GK2: variants seen among roughly 807,000 people sequenced by gnomAD.
GK2 encodes the protein glycerol kinase 2, also known as ATP:glycerol 3-phosphotransferase 2.
Under a neutral mutation model 9.5 loss-of-function variants are expected in GK2, and 10 were observed. The observed-to-expected ratio is 1.05, with a 90% confidence interval of 0.65 to 1.78. The LOEUF is 1.78. GK2 is among the 40% of genes most tolerant of loss of function. The probability of loss-of-function intolerance (pLI) is 0.00; values close to 1 mark genes in which losing one functional copy is unlikely to be tolerated. For synonymous variants in GK2, 228 were observed against 229.9 expected (o/e 0.99, Z 0.07); for missense variants, 643 against 669.0 (o/e 0.96, Z 0.43).
chr4:79,407,115 T>G lies in GK2; in HGVS notation c.1086A>C (p.Pro362=). 1.9e-6 allele frequency: 3 copies of G among 1,614,164 alleles called. No homozygotes were observed. The highest frequency in any genetic ancestry group is 1.1e-5 in the South Asian group (1 of 91,086). The part of the protein sequence containing the change: ...VGTSYGCYFV[P]AFSGLYAPYW... ...AAGGTGCATATAACCCTGAAAAGGC[T>G]GGGACAAAGTAACAGCCATAAGAAG... is the stretch of plus-strand genomic sequence containing the variant. The change falls in exon 1 of 1, where the codon CCA becomes CCC. Residue 362 remains proline (P), a synonymous_variant. Coordinates refer to ENST00000358842, the MANE Select transcript of GK2 (RefSeq NM_033214.3).
In GK2 at chr4:79,406,763, A is replaced by G; in HGVS notation, c.1438T>C (p.Ser480Pro). 1 of 1,614,196 alleles carries G rather than the reference A, an allele frequency of 6.2e-7. No homozygotes were observed. The highest frequency in any genetic ancestry group is 8.5e-7 in the Non-Finnish European group (1 of 1,180,026). ...TCAAATCGTTCCATCCTGAGAACTGACAAAGCCTGGGGTTCAAGGCTCCAA... is the reference window on the plus strand; with the variant it reads ...TCAAATCGTTCCATCCTGAGAACTGGCAAAGCCTGGGGTTCAAGGCTCCAA... ...SVWSLEPQAL[S>P]VLRMERFEPQ... Residue 480 changes from serine to proline, a missense_variant, in exon 1 of 1, where the codon TCA becomes CCA. By Grantham distance (74) the Ser-to-Pro change is moderately conservative. Coordinates refer to ENST00000358842, the MANE Select transcript of GK2 (RefSeq NM_033214.3).
chr4:79,406,656 G>C lies in GK2; in HGVS notation c.1545C>G (p.Thr515=). 6.2e-7 allele frequency: 1 copy of C among 1,613,882 alleles called. No individual in the cohort carries two copies. The highest frequency in any genetic ancestry group is 8.5e-7 in the Non-Finnish European group (1 of 1,179,788). ...KAVMKSMGWV[T]SQSPEGGDPS... is the part of the protein sequence containing the mutation. ...GATCACCACCTTCAGGAGACTGACT[G>C]GTAACCCAACCCATTGACTTCATTA... The change falls in exon 1 of 1, where the codon ACC becomes ACG. Residue 515 remains threonine, a synonymous_variant. Transcript: ENST00000358842.
rs1259646534 is a variant in GK2, at chr4:79,407,475, T to C, written c.726A>G (p.Leu242=). ...NVFSSSEIYG[L]IKTGALEGVP... is the part of the protein sequence containing the mutation. ...CACCTTCCAGGGCTCCAGTTTTAAT[T>C]AGGCCATAGATCTCAGAAGAACTGA... Residue 242 remains leucine, a synonymous_variant, in exon 1 of 1, where the codon CTA becomes CTG. Transcript: ENST00000358842. The C allele has an allele frequency of 6.2e-7, 1 of 1,614,020 alleles. No individual in the cohort carries two copies. Among genetic ancestry groups the C allele is most frequent in the Non-Finnish European group, 8.5e-7 (1 of 1,180,022 alleles).
chr4:79,407,999 T>TACTC lies in GK2; in HGVS notation c.201_202insGAGT (p.Ile68GlufsTer7), dbSNP rs1560527075. 4 of 1,614,034 alleles carry TACTC rather than the reference T, an allele frequency of 2.5e-6. 1 individual carries two copies. In the South Asian group the frequency reaches 4.4e-5, roughly 18 times the overall value. On this transcript the variant is annotated frameshift_variant, in exon 1 of 1. Coordinates refer to ENST00000358842, the MANE Select transcript of GK2 (RefSeq NM_033214.3). LOFTEE classifies it low-confidence loss of function (END_TRUNC). The stretch of plus-strand genomic sequence containing the variant: ...TCAAGTTTCTCACACGTTCTCGCTA[T>TACTC]ACACTCGTAGACAGACTGAAGAATT...
chr4:79,406,527 T>A lies in GK2; in HGVS notation c.*12A>T. The stretch of plus-strand genomic sequence containing the variant: ...AAAATGTTTACATCTTGGGACTCCA[T>A]AGCTGGTATTATTATGGCACACCCG... On this transcript the variant is annotated 3_prime_UTR_variant, in exon 1 of 1. Transcript: ENST00000358842. The A allele has an allele frequency of 1.3e-6, 2 of 1,489,912 alleles. No individual in the cohort carries two copies. Among genetic ancestry groups the A allele is most frequent in the Non-Finnish European group, 9.4e-7 (1 of 1,069,296 alleles). 92.3% of individuals were successfully genotyped at this position (1,489,912 alleles called of 1,614,324 possible).
Position 79,407,984 on chromosome 4 carries a change from C to T in GK2, c.217G>A (p.Glu73Lys). The change falls in exon 1 of 1, where the codon GAG becomes AAG. Residue 73 changes from glutamate to lysine, a missense_variant. By Grantham distance (56) the Glu-to-Lys change is moderately conservative. Coordinates refer to ENST00000358842, the MANE Select transcript of GK2 (RefSeq NM_033214.3). ...TCAATATTCAGTTCGTCAAGTTTCT[C>T]ACACGTTCTCGCTATACACTCGTAG... ...SVYECIARTCEKLDELNIDIS... is the reference protein window; with the variant it reads ...SVYECIARTCKKLDELNIDIS... 2 of 1,614,138 alleles carry T rather than the reference C, an allele frequency of 1.2e-6. No individual in the cohort carries two copies. Among genetic ancestry groups the T allele is most frequent in the Non-Finnish European group, 1.7e-6 (2 of 1,179,976 alleles).
At position 79,406,745 on chromosome 4, in the gene GK2, G is replaced by A. The variant is rs200091513; in HGVS notation, c.1456C>T (p.Arg486Ter). The change falls in exon 1 of 1, where the codon CGA (arginine) becomes TGA (stop). Residue 486 changes from arginine (R) to a stop codon, truncating the protein, a stop_gained. Coordinates refer to ENST00000358842, the MANE Select transcript of GK2 (RefSeq NM_033214.3). LOFTEE classifies it low-confidence loss of function (END_TRUNC). ...GTGGCCTGGATCTGTGGTTCAAATC[G>A]TTCCATCCTGAGAACTGACAAAGCC... The part of the protein sequence containing the change: ...PQALSVLRME[R>*]FEPQIQATES... 96 of 1,614,134 alleles carry A rather than the reference G, an allele frequency of 5.9e-5. No homozygotes were observed. The highest frequency in any genetic ancestry group is 3.3e-4 in the Middle Eastern group (2 of 6,062).
At position 79,406,412 on chromosome 4, in the gene GK2, G is replaced by T. The variant is rs2110045862; in HGVS notation, c.*127C>A. The T allele has an allele frequency of 3.3e-6, 2 of 613,484 alleles. No individual in the cohort carries two copies. The highest frequency in any genetic ancestry group is 2.8e-5 in the East Asian group (1 of 35,862). The allele number at this position is 613,484 out of a possible 1,614,324, so 38.0% of individuals were successfully genotyped here. On this transcript the variant is annotated 3_prime_UTR_variant, in exon 1 of 1. Coordinates refer to ENST00000358842, the MANE Select transcript of GK2 (RefSeq NM_033214.3). ...GGTCACAAGTCTAGGGTTTTCATGG[G>T]TCATGTAGCAAGTGGTTTATAAACA...
In GK2 at chr4:79,408,207, A is replaced by T; in HGVS notation, c.-7T>A. 1 of 1,573,434 alleles carries T rather than the reference A, an allele frequency of 6.4e-7. No individual in the cohort carries two copies. The highest frequency in any genetic ancestry group is 8.6e-7 in the Non-Finnish European group (1 of 1,162,326). ...CTGTCTTTGGGGCTGCCATGACACCAGTAGGTCGGCTCAGCAGCTCTGGGA... is the reference window on the plus strand; with the variant it reads ...CTGTCTTTGGGGCTGCCATGACACCTGTAGGTCGGCTCAGCAGCTCTGGGA... On this transcript the variant is annotated 5_prime_UTR_variant, in exon 1 of 1. Coordinates refer to ENST00000358842, the MANE Select transcript of GK2 (RefSeq NM_033214.3).
Position 79,406,763 on chromosome 4 carries a change from A to T in GK2, c.1438T>A (p.Ser480Thr). ...SVWSLEPQALSVLRMERFEPQ... is the reference protein window; with the variant it reads ...SVWSLEPQALTVLRMERFEPQ... The stretch of plus-strand genomic sequence containing the variant: ...TCAAATCGTTCCATCCTGAGAACTG[A>T]CAAAGCCTGGGGTTCAAGGCTCCAA... The change falls in exon 1 of 1, where the codon TCA becomes ACA. Residue 480 changes from serine to threonine, a missense_variant. Coordinates refer to ENST00000358842, the MANE Select transcript of GK2 (RefSeq NM_033214.3). 2 of 1,614,196 alleles carry T rather than the reference A, an allele frequency of 1.2e-6. No individual in the cohort carries two copies. Among genetic ancestry groups the T allele is most frequent in the Non-Finnish European group, 1.7e-6 (2 of 1,180,026 alleles).
Position 79,407,004 on chromosome 4 carries a change from A to G in GK2, c.1197T>C (p.Ala399=). Residue 399 remains alanine (A), a synonymous_variant, in exon 1 of 1, where the codon GCT becomes GCC. Coordinates refer to ENST00000358842, the MANE Select transcript of GK2 (RefSeq NM_033214.3). ...AAATCTCTCGGGTTTGGAAACAAACAGCTTCTAATGCAGCAAAAGCAATAT... is the reference window on the plus strand; with the variant it reads ...AAATCTCTCGGGTTTGGAAACAAACGGCTTCTAATGCAGCAAAAGCAATAT... ...KCHIAFAALE[A]VCFQTREILE... is the part of the protein sequence containing the mutation. The G allele has an allele frequency of 6.2e-7, 1 of 1,614,250 alleles. No individual in the cohort carries two copies. Among genetic ancestry groups the G allele is most frequent in the Non-Finnish European group, 8.5e-7 (1 of 1,180,052 alleles).
Position 79,408,140 on chromosome 4 carries a change from T to C in GK2, c.61A>G (p.Asn21Asp). 6.2e-7 allele frequency: 1 copy of C among 1,613,248 alleles called. No individual in the cohort carries two copies. Among genetic ancestry groups the C allele is most frequent in the South Asian group, 1.1e-5 (1 of 91,002 alleles). ...TTGAAAACCAGAAAGCGAGTGGAGT[T>C]GGTGCCCTGGACCACCGCTCCCACC... ...PLVGAVVQGTNSTRFLVFNSK... is the reference protein window; with the variant it reads ...PLVGAVVQGTDSTRFLVFNSK... The change falls in exon 1 of 1, where the codon AAC (asparagine) becomes GAC (aspartate). Residue 21 changes from asparagine to aspartate, a missense_variant. Physicochemically the swap from Asn to Asp is conservative, Grantham distance 23. Coordinates refer to ENST00000358842, the MANE Select transcript of GK2 (RefSeq NM_033214.3).
Position 79,407,366 on chromosome 4 carries a change from A to T in GK2, c.835T>A (p.Tyr279Asn), listed in dbSNP as rs1375084928. The change falls in exon 1 of 1, where the codon TAT becomes AAT. Residue 279 changes from tyrosine to asparagine, a missense_variant. By Grantham distance (143) the Tyr-to-Asn change is moderately radical. Transcript: ENST00000358842. ...CFQEGQAKNT[Y>N]GTGCFLLCNT... is the part of the protein sequence containing the mutation. ...CACAGTAAGAAGCAACCTGTTCCAT[A>T]GGTGTTTTTGGCTTGTCCCTCCTGG... 6.2e-7 allele frequency: 1 copy of T among 1,614,170 alleles called. No individual in the cohort carries two copies. The highest frequency in any genetic ancestry group is 1.7e-5 in the Admixed American group (1 of 60,034).
At position 79,407,802 on chromosome 4, in the gene GK2, A is replaced by G; in HGVS notation, c.399T>C (p.Asn133=). 6.2e-7 allele frequency: 1 copy of G among 1,614,020 alleles called. No homozygotes were observed. Among genetic ancestry groups the G allele is most frequent in the East Asian group, 2.2e-5 (1 of 44,854 alleles). ...CTGTCTTAGACTTGACGAAGTTACT[A>G]TTTCCTGGAATTTTTTTACTAAGAT... ...VEDLSKKIPG[N]SNFVKSKTGL... The change falls in exon 1 of 1, where the codon AAT becomes AAC. Residue 133 remains asparagine (N), a synonymous_variant. Transcript: ENST00000358842.
At position 79,407,988 on chromosome 4, in the gene GK2, C is replaced by T. The variant is rs777052519; in HGVS notation, c.213G>A (p.Thr71=). The change falls in exon 1 of 1, where the codon ACG becomes ACA. Residue 71 remains threonine, a synonymous_variant. Coordinates refer to ENST00000358842, the MANE Select transcript of GK2 (RefSeq NM_033214.3). ...TATTCAGTTCGTCAAGTTTCTCACA[C>T]GTTCTCGCTATACACTCGTAGACAG... ...LQSVYECIAR[T]CEKLDELNID... 3 of 1,613,964 alleles carry T rather than the reference C, an allele frequency of 1.9e-6. No homozygotes were observed. The highest frequency in any genetic ancestry group is 1.7e-5 in the Admixed American group (1 of 60,002).
chr4:79,407,160 T>A lies in GK2; in HGVS notation c.1041A>T (p.Arg347Ser), dbSNP rs757517049. ...AAGAAGTTCCTACTTCTTTAGCAAG[T>A]CTTTCAATGTCTCCTGAGGTCTCTA... is the stretch of plus-strand genomic sequence containing the variant. ...GIIETSGDIE[R>S]LAKEVGTSYG... The change falls in exon 1 of 1, where the codon AGA (arginine) becomes AGT (serine). Residue 347 changes from arginine (R) to serine (S), a missense_variant. Coordinates refer to ENST00000358842, the MANE Select transcript of GK2 (RefSeq NM_033214.3). The A allele has an allele frequency of 7.4e-6, 12 of 1,614,022 alleles. No homozygotes were observed. In the East Asian group the frequency reaches 2.7e-4, roughly 36 times the overall value.
Position 79,407,113 on chromosome 4 carries a change from G to C in GK2, c.1088C>G (p.Ala363Gly), listed in dbSNP as rs1198190142. Residue 363 changes from alanine (A) to glycine (G), a missense_variant, in exon 1 of 1, where the codon GCC (alanine) becomes GGC (glycine). By Grantham distance (60) the Ala-to-Gly change is moderately conservative. Transcript: ENST00000358842. Reference sequence around the variant, plus strand: ...ATAAGGTGCATATAACCCTGAAAAGGCTGGGACAAAGTAACAGCCATAAGA... The same window carrying C: ...ATAAGGTGCATATAACCCTGAAAAGCCTGGGACAAAGTAACAGCCATAAGA... ...GTSYGCYFVP[A>G]FSGLYAPYWE... The C allele has an allele frequency of 2.5e-6, 4 of 1,613,972 alleles. No individual in the cohort carries two copies. The highest frequency in any genetic ancestry group is 1.7e-5 in the Admixed American group (1 of 60,000).
chr4:79,407,837 T>C lies in GK2; in HGVS notation c.364A>G (p.Thr122Ala), dbSNP rs1560526879. ...VVWLDLRTQT[T>A]VEDLSKKIPG... ...ATTTTTTTACTAAGATCCTCAACAG[T>C]AGTCTGGGTTCTTAGATCAAGCCAC... is the stretch of plus-strand genomic sequence containing the variant. The change falls in exon 1 of 1, where the codon ACT becomes GCT. Residue 122 changes from threonine to alanine, a missense_variant. Physicochemically the swap from Thr to Ala is moderately conservative, Grantham distance 58 (BLOSUM62 0). Transcript: ENST00000358842. 1 of 1,614,054 alleles carries C rather than the reference T, an allele frequency of 6.2e-7. No homozygotes were observed. Among genetic ancestry groups the C allele is most frequent in the Non-Finnish European group, 8.5e-7 (1 of 1,179,910 alleles).
At position 79,407,585 on chromosome 4, in the gene GK2, T is replaced by G; in HGVS notation, c.616A>C (p.Met206Leu). Residue 206 changes from methionine to leucine, a missense_variant, in exon 1 of 1, where the codon ATG (methionine) becomes CTG (leucine). Met to Leu is a conservative substitution (Grantham distance 15). Coordinates refer to ENST00000358842, the MANE Select transcript of GK2 (RefSeq NM_033214.3). The stretch of plus-strand genomic sequence containing the variant: ...TCCAAAGAATGGATATTAAAAAGCA[T>G]TGTCCTACTTGCATTTGTTACATCT... Reference protein sequence around the residue: ...CTDVTNASRTMLFNIHSLEWD... With the variant: ...CTDVTNASRTLLFNIHSLEWD... 6.2e-7 allele frequency: 1 copy of G among 1,614,168 alleles called. No individual in the cohort carries two copies. The highest frequency in any genetic ancestry group is 8.5e-7 in the Non-Finnish European group (1 of 1,180,010).
Sources: allele counts gnomAD v4.1 joint callset, GRCh38; gene constraint gnomAD v4.1.1; transcripts MANE v1.5; gene names NCBI Gene and HGNC (gene_info 2026-07-23, HGNC 2026-07-21).